WDR48: variants seen among roughly 807,000 people sequenced by gnomAD.
WDR48 encodes the protein WD repeat domain 48.
In WDR48, 22 loss-of-function variants were observed where a neutral mutation model predicts 94.0. That is an observed-to-expected ratio of 0.23 (90% confidence interval 0.17 to 0.33). The LOEUF (loss-of-function observed/expected upper bound fraction) is 0.33. Among genes scored for constraint, WDR48 ranks in the 10% least tolerant of loss-of-function variants. The pLI, the probability that WDR48 is intolerant of heterozygous loss-of-function variation, is 1.00. For synonymous variants in WDR48, 278 were observed against 280.5 expected, an observed-to-expected ratio of 0.99 and a Z score of 0.09; for missense variants, 541 against 813.8, an observed-to-expected ratio of 0.66 and a Z score of 4.08.
chr3:39,084,517 A>G (rs1359894044), intron 12 of WDR48, 128 bp from the exon 13 acceptor site: 1 of 782,540 alleles, frequency 1.3e-6, no homozygotes, highest in African/African-American at 1.8e-5. Context: ...TGAATCACAC[A>G]AAACACATTT....
chr3:39,064,002 C>T (rs1235132985), intron 2 of WDR48, among the ~76,000 whole-genome samples: 1 of 152,116 alleles, frequency 6.6e-6, no homozygotes, highest in African/African-American at 2.4e-5. Flanking sequence ...ATGAAGACAA[C>T]ATGCTCCCCT....
intron 7 of WDR48, among the ~76,000 whole-genome samples, chr3:39,071,184 C>CA (rs2033916971): frequency 6.6e-6 from 1 of 152,084 alleles, no homozygotes; most frequent in African/African-American, 2.4e-5. Context: ...TGCTTATCTG[C>CA]AAAGTGAGAA....
chr3:39,079,367 C>T (rs867078987), intron 10 of WDR48, among the ~76,000 whole-genome samples: 1 of 152,170 alleles, frequency 6.6e-6, no homozygotes, highest in Non-Finnish European at 1.5e-5. Flanking sequence ...CAAAATGAGA[C>T]TAATACAGAG....
intron 1 of WDR48, among the ~76,000 whole-genome samples, chr3:39,060,839 T>C (rs2033212949): frequency 6.6e-6 from 1 of 152,144 alleles, no homozygotes; most frequent in Non-Finnish European, 1.5e-5. Context: ...CAGTGGCATA[T>C]GCCTGTAATC....
chr3:39,067,005 G>A, intron 5 of WDR48, 130 bp downstream of exon 5: 1 of 1,099,150 alleles, frequency 9.1e-7, no homozygotes, highest in Non-Finnish European at 1.3e-6. Flanking sequence ...TCTACCTACA[G>A]CGTTCTGGCC....
At chr3:39,088,457 A>T (rs1273458898) in intron 15 of WDR48, among the ~76,000 whole-genome samples, 1 of 152,184 alleles carries the variant, frequency 6.6e-6, no homozygotes, top group African/African-American at 2.4e-5. Context: ...GAGGTAGAAT[A>T]CTTTGCCTCG....
intron 17 of WDR48, among the ~76,000 whole-genome samples, chr3:39,092,608 T>C (rs994938479): frequency 2.0e-5 from 3 of 152,186 alleles, no homozygotes; most frequent in African/African-American, 4.8e-5. Flanking sequence ...CCAGAAACTT[T>C]TGAGCCAATG....
chr3:39,062,511 T>G (rs78065750), intron 1 of WDR48, among the ~76,000 whole-genome samples: 3,746 of 152,230 alleles, frequency 0.025, 76 homozygotes, highest in South Asian at 0.061. Flanking sequence ...AAAGGAAGTA[T>G]TGTTTAAATG....
intron 14 of WDR48, among the ~76,000 whole-genome samples, chr3:39,087,412 T>C (rs1463529790): frequency 6.6e-6 from 1 of 152,058 alleles, no homozygotes; most frequent in Non-Finnish European, 1.5e-5. Context: ...AACCCAGGAG[T>C]TTGAAACCAT....
chr3:39,084,864 TGTG>T, intron 13 of WDR48, 123 bp downstream of exon 13: 3 of 713,918 alleles, frequency 4.2e-6, no homozygotes, highest in Admixed American at 5.9e-5. Flanking sequence ...GTCCTAAAAA[TGTG>T]GTATGTACAA....
At chr3:39,055,731 G>C (rs2032835666) in intron 1 of WDR48, among the ~76,000 whole-genome samples, 1 of 152,168 alleles carries the variant, frequency 6.6e-6, no homozygotes, top group Non-Finnish European at 1.5e-5. Flanking sequence ...TCCATCCTTA[G>C]CAGTCCCTTG....
chr3:39,067,659 G>A (rs987331752), intron 5 of WDR48, among the ~76,000 whole-genome samples: 1 of 152,134 alleles, frequency 6.6e-6, no homozygotes, highest in African/African-American at 2.4e-5. Context: ...TGCATTCTCT[G>A]GATCCCTACA....
intron 17 of WDR48, among the ~76,000 whole-genome samples, chr3:39,093,532 A>G (rs1041345386): frequency 3.3e-5 from 5 of 152,114 alleles, no homozygotes; most frequent in African/African-American, 1.2e-4. Flanking sequence ...GGATTTCACC[A>G]TGTTGGTTAG....
intron 2 of WDR48, 139 bp downstream of exon 2, chr3:39,063,329 C>G: frequency 9.0e-7 from 1 of 1,111,362 alleles, no homozygotes; most frequent in Non-Finnish European, 1.2e-6. Flanking sequence ...GACATCGCAA[C>G]CAGAATTCTG....
intron 1 of WDR48, among the ~76,000 whole-genome samples, chr3:39,057,103 A>G (rs2032938886): frequency 1.3e-5 from 2 of 152,194 alleles, no homozygotes. Flanking sequence ...GAGGAAGGAA[A>G]TGTATTCATA....
Position 39,052,091 on chromosome 3 carries a change from C to G in WDR48, c.48+18C>G. On this transcript the variant is annotated intron_variant, in intron 1 of 18. Coordinates refer to ENST00000302313, the MANE Select transcript of WDR48 (RefSeq NM_020839.4). ...AAGTGCAGGTATGGAAGCCCGGTTC[C>G]TCGGTCTTCCGGACGCGGCCGGCAG... 6.2e-7 allele frequency: 1 copy of G among 1,613,202 alleles called. No individual in the cohort carries two copies. The highest frequency in any genetic ancestry group is 8.5e-7 in the Non-Finnish European group (1 of 1,179,710).
At chr3:39,061,709 CCCA>C (rs1311231326) in intron 1 of WDR48, among the ~76,000 whole-genome samples, 7 of 152,180 alleles carry the variant, frequency 4.6e-5, no homozygotes, top group Non-Finnish European at 7.3e-5. Flanking sequence ...ACTTTACACT[CCCA>C]CCAACAGTGT....
At chr3:39,076,980 ACTCT>A (rs1186250460) in intron 8 of WDR48, among the ~76,000 whole-genome samples, 155 bp from the exon 9 acceptor site, 1 of 152,042 alleles carries the variant, frequency 6.6e-6, no homozygotes, top group Non-Finnish European at 1.5e-5. Flanking sequence ...AAAGAAAAAG[ACTCT>A]CTCATTTTTC....
chr3:39,060,025 CTT>C (rs2033153305), intron 1 of WDR48, among the ~76,000 whole-genome samples: 1 of 152,028 alleles, frequency 6.6e-6, no homozygotes, highest in Admixed American at 6.6e-5. Context: ...TCATTATTCT[CTT>C]AGTCTTGCTC....
Sources: gnomAD v4.1 joint callset for allele counts (sites outside exome capture counted in the v4.1 genomes callset) on GRCh38, gnomAD v4.1.1 for gene constraint, MANE v1.5 for transcripts, NCBI Gene and HGNC (gene_info 2026-07-23, HGNC 2026-07-21) for gene names.